TACR3: variants seen among roughly 807,000 people sequenced by gnomAD.
TACR3 encodes neuromedin-K receptor.
TACR3 carries 34 observed loss-of-function variants against 35.0 expected under a neutral mutation model. The ratio of observed to expected loss-of-function variants is 0.97; its 90% CI spans 0.74 to 1.30. TACR3 has a LOEUF of 1.30. Ranked by LOEUF, TACR3 falls within the 50% of genes most tolerant of loss-of-function variation. The pLI is 0.00. For missense variants in TACR3, 558 were observed against 591.7 expected, an observed-to-expected ratio of 0.94 and a Z score of 0.59; for synonymous variants, 233 against 221.1, an observed-to-expected ratio of 1.05 and a Z score of -0.48.
In TACR3 at chr4:103,650,689, T is replaced by A. The variant is rs1361552558; in HGVS notation, c.888+5505A>T. 3.8e-4 allele frequency among the ~76,000 whole-genome samples: 3 copies of A among 7,884 alleles called. 1 individual carries two copies. The highest frequency in any genetic ancestry group is 5.2e-4 in the Non-Finnish European group (3 of 5,812). The allele number at this position is 7,884 out of a possible 152,430, so 5.2% of individuals were successfully genotyped here. A position where few individuals can be genotyped will look rare whatever the true frequency, so the allele number is the denominator to read the frequency against. On this transcript the variant is annotated intron_variant, in intron 3 of 4. Transcript: ENST00000304883. ...AAATAAATATATATTATATCATATA[T>A]AATATATATTTATATATATAAATAT... is the stretch of plus-strand genomic sequence containing the variant.
intron 1 of TACR3, among the ~76,000 whole-genome samples, chr4:103,706,245 AAG>A (rs1722785100): frequency 6.6e-6 from 1 of 152,172 alleles, no homozygotes; most frequent in Non-Finnish European, 1.5e-5. Flanking sequence ...TAGAAATGTC[AAG>A]GAGGTAACTG....
chr4:103,706,528 CACACATATAT>C (rs150534357), intron 1 of TACR3, among the ~76,000 whole-genome samples: 5,782 of 151,938 alleles, frequency 0.038, 125 homozygotes, highest in Non-Finnish European at 0.05. Context: ...TATATATACA[CACACATATAT>C]ACACAGATAT....
intron 1 of TACR3, among the ~76,000 whole-genome samples, chr4:103,699,781 T>C (rs1258355229): frequency 6.6e-6 from 1 of 152,132 alleles, no homozygotes; most frequent in African/African-American, 2.4e-5. Context: ...GCTCATATTT[T>C]GACCTCAGAA....
At chr4:103,673,318 T>C (rs926375868) in intron 1 of TACR3, among the ~76,000 whole-genome samples, 2 of 152,180 alleles carry the variant, frequency 1.3e-5, no homozygotes, top group South Asian at 2.1e-4. Flanking sequence ...CTTAATCATT[T>C]CTAGCTTAAC....
intron 3 of TACR3, among the ~76,000 whole-genome samples, chr4:103,599,790 T>A (rs1482152830): frequency 6.6e-6 from 1 of 152,216 alleles, no homozygotes; most frequent in Non-Finnish European, 1.5e-5. Context: ...CAGCCTTGCA[T>A]CCCAGGGATG....
intron 1 of TACR3, among the ~76,000 whole-genome samples, chr4:103,678,805 T>A (rs1287896209): frequency 6.7e-6 from 1 of 148,844 alleles, no homozygotes; most frequent in Non-Finnish European, 1.5e-5. Context: ...TTTTTTTTTT[T>A]TAACAGCTGC....
chr4:103,693,582 T>G (rs1451696198), intron 1 of TACR3, among the ~76,000 whole-genome samples: 1 of 152,140 alleles, frequency 6.6e-6, no homozygotes, highest in African/African-American at 2.4e-5. Context: ...ACCATTTTAT[T>G]TTTCTAAAAT....
At chr4:103,623,213 G>A (rs568843597) in intron 3 of TACR3, among the ~76,000 whole-genome samples, 1 of 152,012 alleles carries the variant, frequency 6.6e-6, no homozygotes, top group South Asian at 2.1e-4. Flanking sequence ...CTTTATACAT[G>A]TATTTAAAAT....
chr4:103,647,391 A>G (rs1292270121), intron 3 of TACR3, among the ~76,000 whole-genome samples: 3 of 151,960 alleles, frequency 2.0e-5, no homozygotes, highest in Non-Finnish European at 4.4e-5. Context: ...TTATTCTCAA[A>G]TTGGAATGTA....
At chr4:103,701,802 G>A (rs1177777720) in intron 1 of TACR3, among the ~76,000 whole-genome samples, 1 of 150,914 alleles carries the variant, frequency 6.6e-6, no homozygotes, top group African/African-American at 2.4e-5. Context: ...AATGGGGAAA[G>A]GATTCCCTAT....
At chr4:103,614,716 A>AAGAC (rs1307048392) in intron 3 of TACR3, among the ~76,000 whole-genome samples, 1 of 146,924 alleles carries the variant, frequency 6.8e-6, no homozygotes, top group Non-Finnish European at 1.5e-5. Context: ...GGGGATTATG[A>AAGAC]AGACTAAATG....
chr4:103,653,813 A>C (rs1297377181), intron 3 of TACR3, among the ~76,000 whole-genome samples: 2 of 152,158 alleles, frequency 1.3e-5, no homozygotes, highest in African/African-American at 4.8e-5. Flanking sequence ...CAAAGGGCTA[A>C]TATCCAGAAT....
chr4:103,718,736 G>T (rs1723143181), intron 1 of TACR3, among the ~76,000 whole-genome samples: 1 of 152,218 alleles, frequency 6.6e-6, no homozygotes, highest in Non-Finnish European at 1.5e-5. Flanking sequence ...CTGACAGAGA[G>T]AAGGAAGGCC....
At chr4:103,675,689 C>T (rs1206497089) in intron 1 of TACR3, among the ~76,000 whole-genome samples, 1 of 151,954 alleles carries the variant, frequency 6.6e-6, no homozygotes, top group East Asian at 1.9e-4. Context: ...GAGGCTTAGC[C>T]AATTTGCAGC....
chr4:103,719,356 A>G lies in TACR3; in HGVS notation c.320T>C (p.Ile107Thr). Reference sequence around the variant, plus strand: ...GCGCTTGTGGGCCAGGATGATCCAGATGACGATGAGATTTCCCAAAACTGC... The same window carrying G: ...GCGCTTGTGGGCCAGGATGATCCAGGTGACGATGAGATTTCCCAAAACTGC... ...AVAVLGNLIV[I>T]WIILAHKRMR... Residue 107 changes from isoleucine (I) to threonine (T), a missense_variant, in exon 1 of 5, where the codon ATC becomes ACC. By Grantham distance (89) the Ile-to-Thr change is moderately conservative. Transcript: ENST00000304883. 1 of 1,614,218 alleles carries G rather than the reference A, an allele frequency of 6.2e-7. No individual in the cohort carries two copies. The highest frequency in any genetic ancestry group is 8.5e-7 in the Non-Finnish European group (1 of 1,180,040).
intron 1 of TACR3, among the ~76,000 whole-genome samples, chr4:103,671,629 G>A (rs984607182): frequency 3.3e-5 from 5 of 151,858 alleles, no homozygotes; most frequent in African/African-American, 1.2e-4. Flanking sequence ...GCTATCAATT[G>A]TAATATCTAA....
rs552439631 is a variant in TACR3, at chr4:103,712,146, T to C, written c.548+6982A>G. ...CTTCACAGAATTGGAAAAAAACTAC[T>C]GTCAAGTTCATATGGAACCAAAAAA... On this transcript the variant is annotated intron_variant, in intron 1 of 4. Coordinates refer to ENST00000304883, the MANE Select transcript of TACR3 (RefSeq NM_001059.3). Among the ~76,000 whole-genome samples the C allele has an allele frequency of 3.3e-5, 5 of 152,290 alleles. No individual in the cohort carries two copies. The South Asian group carries it at 6.2e-4, about 19-fold the overall frequency.
chr4:103,638,744 G>GA (rs747603883), intron 3 of TACR3, among the ~76,000 whole-genome samples: 1 of 151,724 alleles, frequency 6.6e-6, no homozygotes, highest in Non-Finnish European at 1.5e-5. Context: ...AAATTTACAA[G>GA]AAAAAACAAA....
chr4:103,695,797 T>A (rs1224696973), intron 1 of TACR3, among the ~76,000 whole-genome samples: 1 of 152,036 alleles, frequency 6.6e-6, no homozygotes, highest in Non-Finnish European at 1.5e-5. Flanking sequence ...AAATATTGTT[T>A]ATTATGTTAA....
Sources: allele counts gnomAD v4.1 joint callset (sites outside exome capture counted in the v4.1 genomes callset), GRCh38; gene constraint gnomAD v4.1.1; transcripts MANE v1.5; gene names NCBI Gene and HGNC (gene_info 2026-07-23, HGNC 2026-07-21).